SH3BGRL2: variants seen among roughly 807,000 people sequenced by gnomAD.
The protein encoded by SH3BGRL2 is SH3 domain-binding glutamic acid-rich-like protein 2.
SH3BGRL2 carries 21 observed loss-of-function variants against 14.8 expected under a neutral mutation model. That is an observed-to-expected ratio of 1.42 (90% CI 1.01 to 2.05). The LOEUF (loss-of-function observed/expected upper bound fraction) is 2.05. Among genes scored for constraint, SH3BGRL2 ranks in the 30% most tolerant of loss-of-function variants. The pLI is 0.00. For missense variants in SH3BGRL2, 147 were observed against 130.8 expected, an observed-to-expected ratio of 1.12 and a Z score of -0.61; for synonymous variants, 50 against 47.8, an observed-to-expected ratio of 1.05 and a Z score of -0.19.
the SH3BGRL2 span, among the ~76,000 whole-genome samples, chr6:79,608,076 T>C: frequency 1.3e-5 from 2 of 152,150 alleles, no homozygotes; most frequent in Admixed American, 1.3e-4. Flanking sequence ...ACGTCTTACA[T>C]GGCAGGAACA....
chr6:79,652,959 T>C (rs1185261697), intron 1 of SH3BGRL2, among the ~76,000 whole-genome samples: 2 of 152,262 alleles, frequency 1.3e-5, no homozygotes, highest in South Asian at 2.1e-4. Flanking sequence ...ATGTATATAA[T>C]GCAATACACT....
the SH3BGRL2 span, among the ~76,000 whole-genome samples, chr6:79,617,591 T>G: frequency 6.6e-6 from 1 of 152,230 alleles, no homozygotes; most frequent in African/African-American, 2.4e-5. Context: ...TCCCTCAAAC[T>G]TTGCTGTGTT....
chr6:79,627,076 A>G (rs763481280), upstream of SH3BGRL2, among the ~76,000 whole-genome samples: 4 of 151,740 alleles, frequency 2.6e-5, no homozygotes, highest in Non-Finnish European at 2.9e-5. Flanking sequence ...TAGTGACTCT[A>G]TTTCCCCGGG....
chr6:79,602,052 G>A, the SH3BGRL2 span, among the ~76,000 whole-genome samples: 1 of 151,874 alleles, frequency 6.6e-6, no homozygotes, highest in Non-Finnish European at 1.5e-5. Flanking sequence ...CCAACACTTC[G>A]AATTTAAAAA....
At chr6:79,678,544 A>C (rs998141842) in intron 2 of SH3BGRL2, among the ~76,000 whole-genome samples, 6 of 152,302 alleles carry the variant, frequency 3.9e-5, no homozygotes, top group East Asian at 3.9e-4. Flanking sequence ...ATTGATGGAC[A>C]TTTGGATTAA....
chr6:79,644,777 G>A (rs1231132878), intron 1 of SH3BGRL2, among the ~76,000 whole-genome samples: 1 of 152,212 alleles, frequency 6.6e-6, no homozygotes, highest in East Asian at 1.9e-4. Context: ...TTAAATTGAA[G>A]TTGGCAATAA....
rs948353989 is a variant in SH3BGRL2, at chr6:79,699,860, G to A, written c.*351G>A. 5 of 283,164 alleles carry A rather than the reference G, an allele frequency of 1.8e-5. No individual in the cohort carries two copies. The highest frequency in any genetic ancestry group is 6.1e-5 in the East Asian group (1 of 16,488). 17.5% of individuals were successfully genotyped at this position (283,164 alleles called of 1,614,324 possible). A position where few individuals can be genotyped will look rare whatever the true frequency, so the allele number is the denominator to read the frequency against. ...TCTGCCCTAGGTTATAGTAGATGCC[G>A]GAATTGCGTAAACCCACTTCTCTTT... is the stretch of plus-strand genomic sequence containing the variant. On this transcript the variant is annotated 3_prime_UTR_variant, in exon 4 of 4. Transcript: ENST00000369838.
At chr6:79,614,358 G>A in the SH3BGRL2 span, among the ~76,000 whole-genome samples, 1 of 152,112 alleles carries the variant, frequency 6.6e-6, no homozygotes, top group Non-Finnish European at 1.5e-5. Context: ...TGAGGAAGAG[G>A]CAGAGGCCTG....
At chr6:79,545,009 G>A in the SH3BGRL2 span, among the ~76,000 whole-genome samples, 2 of 152,342 alleles carry the variant, frequency 1.3e-5, no homozygotes, top group African/African-American at 4.8e-5. Flanking sequence ...CTGATCTGAT[G>A]CAGTGTCTCG....
At chr6:79,628,050 T>A (rs1040960079), upstream of SH3BGRL2, among the ~76,000 whole-genome samples, 1 of 152,166 alleles carries the variant, frequency 6.6e-6, no homozygotes, top group Admixed American at 6.5e-5. Context: ...CCAATAGAAA[T>A]CACAGGCATT....
At chr6:79,608,265 G>A in the SH3BGRL2 span, among the ~76,000 whole-genome samples, 1,253 of 152,242 alleles carry the variant, frequency 8.2e-3, 4 homozygotes, top group Non-Finnish European at 0.013. Flanking sequence ...AACCATATCA[G>A]CACCCTCCAG....
At chr6:79,567,655 C>T in the SH3BGRL2 span, among the ~76,000 whole-genome samples, 9 of 152,152 alleles carry the variant, frequency 5.9e-5, no homozygotes, top group Non-Finnish European at 1.2e-4. Flanking sequence ...CTTTTTAAAA[C>T]TTCCTGAAGA....
the SH3BGRL2 span, among the ~76,000 whole-genome samples, chr6:79,563,239 A>C: frequency 2.6e-5 from 4 of 151,048 alleles, no homozygotes; most frequent in African/African-American, 9.7e-5. Context: ...GGCCTCCCAA[A>C]GTGCTGGGAT....
Position 79,631,411 on chromosome 6 carries a change from G to T in SH3BGRL2, c.-51G>T. The T allele has an allele frequency of 6.8e-7, 1 of 1,480,692 alleles. No homozygotes were observed. The highest frequency in any genetic ancestry group is 2.8e-5 in the East Asian group (1 of 35,324). The allele number at this position is 1,480,692 out of a possible 1,614,324, so 91.7% of individuals were successfully genotyped here. A position where few individuals can be genotyped will look rare whatever the true frequency, so the allele number is the denominator to read the frequency against. Reference sequence around the variant, plus strand: ...TAGCTGGGTTCAGCTCTGCGTCCACGCCAGCCCGGAGCCCGGGGGGCAAGG... The same window carrying T: ...TAGCTGGGTTCAGCTCTGCGTCCACTCCAGCCCGGAGCCCGGGGGGCAAGG... On this transcript the variant is annotated 5_prime_UTR_variant, in exon 1 of 4. Coordinates refer to ENST00000369838, the MANE Select transcript of SH3BGRL2 (RefSeq NM_031469.4).
intron 1 of SH3BGRL2, among the ~76,000 whole-genome samples, chr6:79,669,178 A>G (rs1286620139): frequency 6.6e-6 from 1 of 152,132 alleles, no homozygotes; most frequent in Non-Finnish European, 1.5e-5. Context: ...TTGACATTGT[A>G]GAGAGAGAGG....
rs1391330148 is a variant in SH3BGRL2, at chr6:79,702,999, A to G, written c.*3490A>G. 6.6e-6 allele frequency: 1 copy of G among 152,270 alleles called. No individual in the cohort carries two copies. The highest frequency in any genetic ancestry group is 1.5e-5 in the Non-Finnish European group (1 of 68,052). 9.4% of individuals were successfully genotyped at this position (152,270 alleles called of 1,614,324 possible). A position where few individuals can be genotyped will look rare whatever the true frequency, so the allele number is the denominator to read the frequency against. On this transcript the variant is annotated 3_prime_UTR_variant, in exon 4 of 4. Coordinates refer to ENST00000369838, the MANE Select transcript of SH3BGRL2 (RefSeq NM_031469.4). Reference sequence around the variant, plus strand: ...ACGATTTCAAGCCCTACGCACCAGAACAGAAGGAGGGTGGAGGAAGTGATC... The same window carrying G: ...ACGATTTCAAGCCCTACGCACCAGAGCAGAAGGAGGGTGGAGGAAGTGATC...
chr6:79,548,820 A>G, the SH3BGRL2 span, among the ~76,000 whole-genome samples: 1 of 152,196 alleles, frequency 6.6e-6, no homozygotes, highest in African/African-American at 2.4e-5. Context: ...GCAAGTCTGG[A>G]TCTAATAGGA....
At chr6:79,575,928 T>C in the SH3BGRL2 span, among the ~76,000 whole-genome samples, 2 of 152,018 alleles carry the variant, frequency 1.3e-5, no homozygotes, top group Non-Finnish European at 2.9e-5. Flanking sequence ...TTATTTTTAA[T>C]TTTCTTTGGG....
At chr6:79,558,830 G>A in the SH3BGRL2 span, among the ~76,000 whole-genome samples, 1 of 152,188 alleles carries the variant, frequency 6.6e-6, no homozygotes, top group African/African-American at 2.4e-5. Flanking sequence ...AGAATGGCTG[G>A]TTCTAGGGCT....
Sources: gnomAD v4.1 joint callset for allele counts (sites outside exome capture counted in the v4.1 genomes callset) on GRCh38, gnomAD v4.1.1 for gene constraint, MANE v1.5 for transcripts, NCBI Gene and HGNC (gene_info 2026-07-23, HGNC 2026-07-21) for gene names.